The following CRPPA variants were observed in gnomAD, a reference collection of about 807,000 sequenced individuals.
CRPPA encodes D-ribitol-5-phosphate cytidylyltransferase.
Under a neutral mutation model 52.0 loss-of-function variants are expected in CRPPA, and 43 were observed. The observed-to-expected ratio is 0.83, with a 90% confidence interval of 0.65 to 1.07. The LOEUF is 1.07. CRPPA is among the 50% of genes least tolerant of loss of function. The probability of loss-of-function intolerance (pLI) is 0.00; values close to 1 mark genes in which losing one functional copy is unlikely to be tolerated. For synonymous variants in CRPPA, 250 were observed against 203.5 expected (o/e 1.23, Z -1.94); for missense variants, 629 against 551.7 (o/e 1.14, Z -1.40).
intron 8 of CRPPA, among the ~76,000 whole-genome samples, chr7:16,224,593 G>A (rs1043523308): frequency 1.3e-5 from 2 of 152,112 alleles, no homozygotes; most frequent in African/African-American, 4.8e-5. Flanking sequence ...AGATAAACCA[G>A]AGAGATTCTT....
chr7:16,390,107 T>A (rs930641173), intron 2 of CRPPA, among the ~76,000 whole-genome samples: 1 of 151,490 alleles, frequency 6.6e-6, no homozygotes, highest in African/African-American at 2.4e-5. Flanking sequence ...TGTCCTGGCT[T>A]CTAATGGCCA....
intron 8 of CRPPA, among the ~76,000 whole-genome samples, chr7:16,221,434 A>C (rs1366484410): frequency 1.3e-5 from 2 of 152,250 alleles, no homozygotes; most frequent in East Asian, 3.8e-4. Context: ...CAAAAGCCAA[A>C]ATTGACAAAT....
At chr7:16,096,806 G>T (rs1781943259) in intron 9 of CRPPA, among the ~76,000 whole-genome samples, 1 of 152,054 alleles carries the variant, frequency 6.6e-6, no homozygotes, top group South Asian at 2.1e-4. Context: ...CTAAAAAGGG[G>T]GAAAACAGTA....
At chr7:16,117,305 G>T (rs1282105983) in intron 9 of CRPPA, among the ~76,000 whole-genome samples, 1 of 152,164 alleles carries the variant, frequency 6.6e-6, no homozygotes, top group African/African-American at 2.4e-5. Context: ...GCAGCATCAG[G>T]GGTGAGTTCT....
intron 2 of CRPPA, among the ~76,000 whole-genome samples, chr7:16,389,596 T>A (rs1297475072): frequency 6.6e-6 from 1 of 151,914 alleles, no homozygotes; most frequent in Non-Finnish European, 1.5e-5. Context: ...ACAGAAGAGA[T>A]CTTGCTCAAC....
Position 16,328,333 on chromosome 7 carries a change from C to A in CRPPA, c.685-19706G>T, listed in dbSNP as rs148150522. ...AAATTCTAATAACTAAGCACACAAT[C>A]TAAGTAGTTAACTACATTCTAAAAC... On this transcript the variant is annotated intron_variant, in intron 3 of 9. Transcript: ENST00000407010. 1.4e-3 allele frequency among the ~76,000 whole-genome samples: 210 copies of A among 152,286 alleles called. 6 individuals are homozygous for A. The East Asian group carries it at 0.039, about 28-fold the overall frequency.
intron 9 of CRPPA, among the ~76,000 whole-genome samples, chr7:16,135,965 T>G (rs1031982463): frequency 6.6e-6 from 1 of 152,182 alleles, no homozygotes; most frequent in Admixed American, 6.5e-5. Flanking sequence ...AGATGGAAGA[T>G]TCACATCTTC....
chr7:16,165,735 C>G (rs1385001872), intron 9 of CRPPA, among the ~76,000 whole-genome samples: 1 of 152,184 alleles, frequency 6.6e-6, no homozygotes, highest in Non-Finnish European at 1.5e-5. Context: ...TTTTCTCCCC[C>G]ACCCACTCCC....
At chr7:16,193,949 T>C (rs1248364822) in intron 9 of CRPPA, among the ~76,000 whole-genome samples, 1 of 152,144 alleles carries the variant, frequency 6.6e-6, no homozygotes, top group African/African-American at 2.4e-5. Context: ...ACCAAATAGC[T>C]GTGACTCTCA....
At position 16,260,531 on chromosome 7, in the gene CRPPA, G is replaced by C. The variant is rs1783767559; in HGVS notation, c.934-1519C>G. 2.6e-5 allele frequency among the ~76,000 whole-genome samples: 4 copies of C among 152,094 alleles called. No homozygotes were observed. In the East Asian group the frequency reaches 7.7e-4, roughly 29 times the overall value. ...TCTTGCTACTGCTGTGGTTATAAAT[G>C]GTCTTTTCTCTGACTCTGTAGTCTC... On this transcript the variant is annotated intron_variant, in intron 6 of 9. Transcript: ENST00000407010.
At chr7:16,204,650 A>C (rs527256850) in intron 9 of CRPPA, among the ~76,000 whole-genome samples, 7 of 152,186 alleles carry the variant, frequency 4.6e-5, no homozygotes, top group Non-Finnish European at 8.8e-5. Flanking sequence ...CTGAGAAGGC[A>C]CAGAGTCAGC....
intron 9 of CRPPA, among the ~76,000 whole-genome samples, chr7:16,105,202 T>C (rs1782126955): frequency 6.6e-6 from 1 of 152,180 alleles, no homozygotes; most frequent in South Asian, 2.1e-4. Context: ...CTAGCAACTA[T>C]CCGCAGACTG....
chr7:16,274,884 G>T (rs960479656), intron 6 of CRPPA, among the ~76,000 whole-genome samples: 17 of 152,096 alleles, frequency 1.1e-4, no homozygotes, highest in South Asian at 2.1e-4. Context: ...TTGAATCTCT[G>T]CAGACCCTTC....
chr7:16,184,645 T>C (rs1420424335), intron 9 of CRPPA, among the ~76,000 whole-genome samples: 4 of 152,264 alleles, frequency 2.6e-5, no homozygotes, highest in African/African-American at 4.8e-5. Flanking sequence ...TTATTGAACA[T>C]TTTATTATAA....
At chr7:16,223,213 G>A (rs1384433419) in intron 8 of CRPPA, among the ~76,000 whole-genome samples, 1 of 152,140 alleles carries the variant, frequency 6.6e-6, no homozygotes, top group South Asian at 2.1e-4. Context: ...AAGGAACAAT[G>A]CCGCTGCTTA....
chr7:16,413,325 C>T (rs1788114089), intron 1 of CRPPA, among the ~76,000 whole-genome samples: 1 of 152,246 alleles, frequency 6.6e-6, no homozygotes, highest in African/African-American at 2.4e-5. Flanking sequence ...TGAAGGTGTT[C>T]CATGCGGTCC....
rs553064750 is a variant in CRPPA, at chr7:16,263,014, T to C, written c.934-4002A>G. ...TTTATCATATTTACCTGGCTGTCAC[T>C]ACTATTTTTAAGTACTTTAAGGAAT... On this transcript the variant is annotated intron_variant, in intron 6 of 9. Coordinates refer to ENST00000407010, the MANE Select transcript of CRPPA (RefSeq NM_001101426.4). 1.1e-4 allele frequency among the ~76,000 whole-genome samples: 17 copies of C among 152,324 alleles called. 1 individual carries two copies. In the South Asian group the frequency reaches 3.5e-3, roughly 32 times the overall value.
At chr7:16,189,676 T>C (rs1372899255) in intron 9 of CRPPA, among the ~76,000 whole-genome samples, 1 of 152,140 alleles carries the variant, frequency 6.6e-6, no homozygotes, top group Non-Finnish European at 1.5e-5. Context: ...AAGATCAAAA[T>C]AGAACATGAT....
chr7:16,186,831 GA>G (rs1781513521), intron 9 of CRPPA, among the ~76,000 whole-genome samples: 1 of 152,124 alleles, frequency 6.6e-6, no homozygotes. Flanking sequence ...AGAAAACTCA[GA>G]GGAGGAAAAA....
Sources: gnomAD v4.1 joint callset for allele counts (sites outside exome capture counted in the v4.1 genomes callset) on GRCh38, gnomAD v4.1.1 for gene constraint, MANE v1.5 for transcripts, NCBI Gene and HGNC (gene_info 2026-07-23, HGNC 2026-07-21) for gene names.